The following LRMDA variants were observed in gnomAD, a reference collection of about 807,000 sequenced individuals.
LRMDA encodes leucine rich melanocyte differentiation associated, also known as leucine-rich melanocyte differentiation-associated protein.
LRMDA carries 18 observed loss-of-function variants against 29.8 expected under a neutral mutation model. That is an observed-to-expected ratio of 0.60 (90% CI 0.42 to 0.90). The LOEUF is 0.90. Ranked by LOEUF, LRMDA falls within the 40% of genes least tolerant of loss-of-function variation. The pLI is 0.00. For synonymous variants in LRMDA, 125 were observed against 109.4 expected (o/e 1.14, Z -0.89); for missense variants, 273 against 273.9 (o/e 1.00, Z 0.02).
intron 5 of LRMDA, among the ~76,000 whole-genome samples, chr10:76,159,089 A>G (rs1432841600): frequency 6.6e-6 from 1 of 152,186 alleles, no homozygotes; most frequent in Non-Finnish European, 1.5e-5. Context: ...ATGCACATAG[A>G]TGTTGAACTT....
At chr10:76,076,878 T>TA (rs1848969624) in intron 5 of LRMDA, among the ~76,000 whole-genome samples, 1 of 152,196 alleles carries the variant, frequency 6.6e-6, no homozygotes, top group Admixed American at 6.5e-5. Flanking sequence ...AGAACATGGT[T>TA]AACCTCCAAA....
At chr10:75,443,965 A>G (rs944130525) in intron 2 of LRMDA, among the ~76,000 whole-genome samples, 4 of 152,166 alleles carry the variant, frequency 2.6e-5, no homozygotes, top group Admixed American at 6.5e-5. Flanking sequence ...AACCACTCAT[A>G]TAAGGAACAT....
chr10:75,949,037 G>A (rs1284725583), intron 2 of LRMDA, among the ~76,000 whole-genome samples: 3 of 151,960 alleles, frequency 2.0e-5, no homozygotes, highest in Non-Finnish European at 2.9e-5. Context: ...GTGTGCATGT[G>A]TGTGTTTGTA....
intron 5 of LRMDA, among the ~76,000 whole-genome samples, chr10:76,195,883 A>G (rs1008658542): frequency 1.3e-5 from 2 of 152,208 alleles, no homozygotes; most frequent in Non-Finnish European, 2.9e-5. Flanking sequence ...AGGATAAAAT[A>G]TGTCTTCCTC....
At chr10:76,147,500 G>A (rs927857363) in intron 5 of LRMDA, among the ~76,000 whole-genome samples, 41 of 152,140 alleles carry the variant, frequency 2.7e-4, no homozygotes, top group African/African-American at 7.5e-4. Context: ...TTCTGCATTC[G>A]TCACGTAGCT....
chr10:75,887,544 C>CTT (rs35154017), intron 2 of LRMDA, among the ~76,000 whole-genome samples: 1 of 148,126 alleles, frequency 6.8e-6, no homozygotes, highest in Non-Finnish European at 1.5e-5. Context: ...CTGTTGCTAC[C>CTT]TTTTTTTTTT....
chr10:75,852,978 C>T (rs1844758343), intron 2 of LRMDA, among the ~76,000 whole-genome samples: 1 of 152,082 alleles, frequency 6.6e-6, no homozygotes, highest in Non-Finnish European at 1.5e-5. Flanking sequence ...CTTTACGTGG[C>T]ATCAAGAGAG....
chr10:75,951,504 A>C (rs923568453), intron 2 of LRMDA, among the ~76,000 whole-genome samples: 3 of 152,190 alleles, frequency 2.0e-5, no homozygotes, highest in Non-Finnish European at 1.5e-5. Flanking sequence ...TGGTCAGGGC[A>C]ACCTCTAGCA....
chr10:75,694,785 G>A (rs1219362549), intron 2 of LRMDA, among the ~76,000 whole-genome samples: 2 of 152,120 alleles, frequency 1.3e-5, no homozygotes, highest in Admixed American at 1.3e-4. Flanking sequence ...AGATAATATT[G>A]CAACCCTGTC....
chr10:75,635,542 A>G (rs1282224627), intron 2 of LRMDA, among the ~76,000 whole-genome samples: 2 of 152,174 alleles, frequency 1.3e-5, no homozygotes, highest in African/African-American at 4.8e-5. Context: ...AGGAGGCCTA[A>G]TTTCTGTCCA....
chr10:76,429,719 T>C (rs2132281852), intron 6 of LRMDA, among the ~76,000 whole-genome samples: 1 of 152,346 alleles, frequency 6.6e-6, no homozygotes, highest in East Asian at 1.9e-4. Context: ...TCACAGTGTC[T>C]TTCTTCTGTT....
At chr10:76,058,553 G>A in intron 4 of LRMDA, 113 bp from the exon 5 acceptor site, 1 of 854,782 alleles carries the variant, frequency 1.2e-6, no homozygotes. Flanking sequence ...CGCAGCCAAG[G>A]TCTAAGTTCC....
intron 2 of LRMDA, among the ~76,000 whole-genome samples, chr10:75,690,667 T>C (rs752656689): frequency 1.3e-5 from 2 of 151,940 alleles, no homozygotes; most frequent in African/African-American, 2.4e-5. Flanking sequence ...CTCAGAAATA[T>C]ATCTTTTTGG....
chr10:76,251,226 CTTTTTTTTTTTTTTTTTTTTTTT>C (rs558637864), intron 5 of LRMDA, among the ~76,000 whole-genome samples: 6 of 70,264 alleles, frequency 8.5e-5, no homozygotes, highest in Non-Finnish European at 1.7e-4. Context: ...CCCGTCGCTT[CTTTTTTTTTTTTTTTTTTTTTTT>C]TTTTTTTTTT....
intron 2 of LRMDA, among the ~76,000 whole-genome samples, chr10:75,502,035 A>G (rs1372494935): frequency 1.3e-5 from 2 of 152,172 alleles, no homozygotes; most frequent in Admixed American, 1.3e-4. Context: ...GTGTCCTGCC[A>G]TCATTCAGGG....
At chr10:75,832,879 GCCCC>G (rs1844370336) in intron 2 of LRMDA, among the ~76,000 whole-genome samples, 2 of 152,140 alleles carry the variant, frequency 1.3e-5, no homozygotes, top group Admixed American at 6.5e-5. Flanking sequence ...AGAAAGACCT[GCCCC>G]CATGATTCAG....
At chr10:75,781,790 C>G (rs1843388143) in intron 2 of LRMDA, among the ~76,000 whole-genome samples, 1 of 152,146 alleles carries the variant, frequency 6.6e-6, no homozygotes, top group African/African-American at 2.4e-5. Context: ...TCTGCGAGGT[C>G]AATCTCACCA....
intron 6 of LRMDA, among the ~76,000 whole-genome samples, chr10:76,363,217 G>GGGAGAGAGAGAGAGAAAGAA (rs1475459412): frequency 1.1e-4 from 2 of 18,056 alleles, no homozygotes; most frequent in Non-Finnish European, 2.8e-4. Context: ...AGGGAAGGAA[G>GGGAGAGAGAGAGAGAAAGAA]AGAAAGAAAG....
chr10:75,998,366 G>A (rs768967970), intron 2 of LRMDA, among the ~76,000 whole-genome samples: 25 of 152,110 alleles, frequency 1.6e-4, no homozygotes, highest in Non-Finnish European at 3.2e-4. Context: ...AGTAATCGAT[G>A]GTGTGGCCTC....
Sources: allele counts gnomAD v4.1 joint callset (sites outside exome capture counted in the v4.1 genomes callset), GRCh38; gene constraint gnomAD v4.1.1; transcripts MANE v1.5; gene names NCBI Gene and HGNC (gene_info 2026-07-23, HGNC 2026-07-21).